Variants in MAML2 observed in about 807,000 individuals in gnomAD.
MAML2 encodes mastermind like transcriptional coactivator 2, also known as mastermind-like protein 2.
In MAML2, 22 loss-of-function variants were observed where a neutral mutation model predicts 96.1. The ratio of observed to expected loss-of-function variants is 0.23; its 90% CI spans 0.16 to 0.33. MAML2 has a LOEUF of 0.33. Ranked by LOEUF, MAML2 falls within the 10% of genes least tolerant of loss-of-function variation. MAML2 has a pLI of 1.00. For synonymous variants in MAML2, 561 were observed against 521.3 expected, an observed-to-expected ratio of 1.08 and a Z score of -1.04; for missense variants, 1,367 against 1,392.4, an observed-to-expected ratio of 0.98 and a Z score of 0.29.
In MAML2 at chr11:96,092,979, C is replaced by T. The variant is rs1859755550; in HGVS notation, c.1052G>A (p.Ser351Asn). Residue 351 changes from serine to asparagine, a missense_variant, in exon 2 of 5, where the codon AGC becomes AAC. Physicochemically the swap from Ser to Asn is conservative, Grantham distance 46 (BLOSUM62 1). Coordinates refer to ENST00000524717, the MANE Select transcript of MAML2 (RefSeq NM_032427.4). The surrounding 1 kb of genome is among the most constrained non-coding windows in gnomAD (Gnocchi z 4.1). ...CATGGGTAAGGAGGGCCTAGGTGTG[C>T]TCCTCTGGCTTTGCTGACCCAAGTC... ...NIDLGQQSQR[S>N]TPRPSLPMEK... The T allele has an allele frequency of 6.2e-7, 1 of 1,613,734 alleles. No homozygotes were observed. The highest frequency in any genetic ancestry group is 8.5e-7 in the Non-Finnish European group (1 of 1,179,796).
chr11:96,274,130 T>C (rs929852739), intron 1 of MAML2, among the ~76,000 whole-genome samples: 1 of 146,672 alleles, frequency 6.8e-6, no homozygotes, highest in Middle Eastern at 3.3e-3. Flanking sequence ...TAGCTCAGGC[T>C]GGAGTGCAGC....
At chr11:96,191,770 C>CAAAAA (rs11396681) in intron 1 of MAML2, among the ~76,000 whole-genome samples, 7 of 116,616 alleles carry the variant, frequency 6.0e-5, no homozygotes, top group Admixed American at 1.7e-4. Flanking sequence ...AACTCTGTCT[C>CAAAAA]AAAAAAAAAA....
At position 96,341,525 on chromosome 11, in the gene MAML2, G is replaced by A; in HGVS notation, c.371C>T (p.Pro124Leu). The change falls in exon 1 of 5, where the codon CCA (proline) becomes CTA (leucine). Residue 124 changes from proline to leucine, a missense_variant. Physicochemically the swap from Pro to Leu is moderately conservative, Grantham distance 98. Coordinates refer to ENST00000524717, the MANE Select transcript of MAML2 (RefSeq NM_032427.4). ...AASQAAATAAPPPPPDYHHHH... is the reference protein window; with the variant it reads ...AASQAAATAALPPPPDYHHHH... ...ATGGTGATAGTCTGGTGGGGGCGGT[G>A]GGGCTGCTGTTGCTGCTGCTTGGGA... 1 of 1,551,578 alleles carries A rather than the reference G, an allele frequency of 6.4e-7. No individual in the cohort carries two copies. The highest frequency in any genetic ancestry group is 8.7e-7 in the Non-Finnish European group (1 of 1,146,976).
At chr11:96,182,527 C>T (rs898733935) in intron 1 of MAML2, among the ~76,000 whole-genome samples, 1 of 152,054 alleles carries the variant, frequency 6.6e-6, no homozygotes. Flanking sequence ...AGCACAAAGG[C>T]AGGGTATTGC....
chr11:96,210,762 TTTC>T (rs1861959826), intron 1 of MAML2, among the ~76,000 whole-genome samples: 1 of 152,322 alleles, frequency 6.6e-6, no homozygotes, highest in Admixed American at 6.5e-5. Flanking sequence ...TTATTAATAT[TTTC>T]TTATCTCTAA....
chr11:96,045,918 T>TG (rs1555001105), intron 2 of MAML2, among the ~76,000 whole-genome samples: 1 of 150,462 alleles, frequency 6.6e-6, no homozygotes, highest in Non-Finnish European at 1.5e-5. Flanking sequence ...TTTTTTTTTT[T>TG]CCCCCATTCC....
intron 1 of MAML2, among the ~76,000 whole-genome samples, chr11:96,269,264 A>G (rs1361520725): frequency 6.9e-6 from 1 of 144,482 alleles, no homozygotes; most frequent in Admixed American, 7.3e-5. Flanking sequence ...CAAAGTGTCT[A>G]TGGTTCTGTG....
chr11:96,182,498 C>A (rs1283817974), intron 1 of MAML2, among the ~76,000 whole-genome samples: 2 of 152,002 alleles, frequency 1.3e-5, no homozygotes, highest in East Asian at 3.9e-4. Flanking sequence ...CAGGGTATTG[C>A]TACTAGATGT....
intron 2 of MAML2, among the ~76,000 whole-genome samples, chr11:96,055,962 CT>C (rs1000208229): frequency 1.3e-5 from 2 of 151,884 alleles, no homozygotes; most frequent in Non-Finnish European, 2.9e-5. Context: ...GCATTATAAC[CT>C]TTTTTTTAAA....
chr11:95,980,069 C>T (rs1305622288), intron 4 of MAML2, 106 bp from the exon 5 acceptor site: 23 of 819,064 alleles, frequency 2.8e-5, no homozygotes, highest in Non-Finnish European at 4.0e-5. Context: ...AGGTGTAAGA[C>T]AATTTAGGCG....
At position 96,342,013 on chromosome 11, in the gene MAML2, T is replaced by C; in HGVS notation, c.-118A>G. The C allele has an allele frequency of 2.0e-6, 2 of 1,016,270 alleles. No homozygotes were observed. The highest frequency in any genetic ancestry group is 1.4e-6 in the Non-Finnish European group (1 of 718,262). 63.0% of individuals were successfully genotyped at this position (1,016,270 alleles called of 1,614,324 possible). On this transcript the variant is annotated 5_prime_UTR_variant, in exon 1 of 5. Transcript: ENST00000524717. ...AGCTCAGTGTTCAGGGCCACATGAATAGAGGTCTTCAGAGGTTGTGGGGGA... is the reference window on the plus strand; with the variant it reads ...AGCTCAGTGTTCAGGGCCACATGAACAGAGGTCTTCAGAGGTTGTGGGGGA...
intron 2 of MAML2, among the ~76,000 whole-genome samples, chr11:96,022,204 G>A (rs1858446540): frequency 2.0e-5 from 3 of 152,208 alleles, no homozygotes; most frequent in African/African-American, 7.2e-5. Flanking sequence ...GCTCATAACA[G>A]TATTCCCAAG....
chr11:96,335,808 T>A (rs1376798383), intron 1 of MAML2, among the ~76,000 whole-genome samples: 1 of 152,120 alleles, frequency 6.6e-6, no homozygotes, highest in East Asian at 1.9e-4. Context: ...TTTGTCCCCC[T>A]CAGTACTCAC....
chr11:96,183,111 C>T (rs11021464), intron 1 of MAML2, among the ~76,000 whole-genome samples: 52,275 of 151,492 alleles, frequency 0.35, 9,125 homozygotes, highest in East Asian at 0.49. Flanking sequence ...GCGTGTACCA[C>T]GACGCCTGGC....
intron 1 of MAML2, among the ~76,000 whole-genome samples, chr11:96,159,224 T>C (rs922166340): frequency 6.6e-6 from 1 of 152,116 alleles, no homozygotes; most frequent in African/African-American, 2.4e-5. Flanking sequence ...GTAATCTTTC[T>C]AAAATGTAAA....
At chr11:96,078,663 T>C (rs1290192315) in intron 2 of MAML2, among the ~76,000 whole-genome samples, 2 of 152,212 alleles carry the variant, frequency 1.3e-5, no homozygotes, top group Non-Finnish European at 2.9e-5. Flanking sequence ...TTCTAGTCTA[T>C]GCAACTTCCC....
intron 1 of MAML2, among the ~76,000 whole-genome samples, chr11:96,094,642 A>G (rs186725504): frequency 1.8e-4 from 28 of 152,306 alleles, no homozygotes; most frequent in Non-Finnish European, 5.9e-5. Context: ...CCATATAAGC[A>G]CACTAATACA....
At chr11:96,023,224 C>T (rs946276254) in intron 2 of MAML2, among the ~76,000 whole-genome samples, 2 of 152,168 alleles carry the variant, frequency 1.3e-5, no homozygotes, top group African/African-American at 4.8e-5. Context: ...AACCACACTG[C>T]GTCCCTTCCT....
intron 1 of MAML2, among the ~76,000 whole-genome samples, chr11:96,254,212 A>G (rs993189991): frequency 6.6e-6 from 1 of 152,220 alleles, no homozygotes; most frequent in Non-Finnish European, 1.5e-5. Context: ...CTATGCAAAT[A>G]GTAATCGCAT....
Sources: gnomAD v4.1 joint callset for allele counts (sites outside exome capture counted in the v4.1 genomes callset) on GRCh38, gnomAD v4.1.1 for gene constraint, Gnocchi (gnomAD v3.1) non-coding constraint, MANE v1.5 for transcripts, NCBI Gene and HGNC (gene_info 2026-07-23, HGNC 2026-07-21) for gene names.